The following CLASP2 variants were observed in gnomAD, a reference collection of about 807,000 sequenced individuals.
CLASP2 encodes cytoplasmic linker associated protein 2.
Under a neutral mutation model 194.4 loss-of-function variants are expected in CLASP2, and 47 were observed. That is an observed-to-expected ratio of 0.24 (90% CI 0.19 to 0.31). The LOEUF (loss-of-function observed/expected upper bound fraction) is 0.31, where lower values mean the gene tolerates loss of function less well. Ranked by LOEUF, CLASP2 falls within the 10% of genes least tolerant of loss-of-function variation. The probability of loss-of-function intolerance (pLI) is 1.00; values close to 1 mark genes in which losing one functional copy is unlikely to be tolerated. For missense variants in CLASP2, 1,445 were observed against 1,823.6 expected, an observed-to-expected ratio of 0.79 and a Z score of 3.78; for synonymous variants, 619 against 633.5, an observed-to-expected ratio of 0.98 and a Z score of 0.34.
chr3:33,537,880 A>G (rs1403858374), intron 33 of CLASP2, among the ~76,000 whole-genome samples: 2 of 152,226 alleles, frequency 1.3e-5, no homozygotes, highest in South Asian at 2.1e-4. Context: ...AGTGGCTCAC[A>G]CCTGTAATCC....
chr3:33,685,027 AAAT>A lies in CLASP2; in HGVS notation c.547-574_547-572del, dbSNP rs576059400. 1.1e-3 allele frequency among the ~76,000 whole-genome samples: 156 copies of A among 138,304 alleles called. 1 individual carries two copies. Among genetic ancestry groups the A allele is most frequent in the East Asian group, 1.0e-2 (45 of 4,502 alleles). The allele number at this position is 138,304 out of a possible 152,430, so 90.7% of individuals were successfully genotyped here. ...AAAATAAATAAATAAATAAATAAAT[AAAT>A]AATAATAATAATAATAAATCTATTT... On this transcript the variant is annotated intron_variant, in intron 5 of 38. Coordinates refer to ENST00000682230, the MANE Select transcript of CLASP2 (RefSeq NM_001365631.1).
rs145807494 is a variant in CLASP2 at position 33,716,496 on chromosome 3, T to C, written c.195+1312A>G. Among the ~76,000 whole-genome samples the C allele has an allele frequency of 9.6e-4, 146 of 152,282 alleles. 1 individual carries two copies. In the East Asian group the frequency reaches 0.024, roughly 26 times the overall value. ...GCCCGTGTAGAAGATGGCACACCAA[T>C]CTTAACTTCGGAAGGGGTGCAAACA... is the stretch of plus-strand genomic sequence containing the variant. On this transcript the variant is annotated intron_variant, in intron 1 of 38. Transcript: ENST00000682230.
chr3:33,642,900 A>G (rs758559675), intron 8 of CLASP2, among the ~76,000 whole-genome samples: 4 of 150,988 alleles, frequency 2.6e-5, no homozygotes, highest in Non-Finnish European at 5.9e-5. Flanking sequence ...GAAGAAGAAA[A>G]AGGAGGAGGA....
intron 6 of CLASP2, among the ~76,000 whole-genome samples, chr3:33,678,397 T>C (rs1293426284): frequency 1.3e-5 from 2 of 152,028 alleles, no homozygotes; most frequent in East Asian, 1.9e-4. Context: ...ACACTGCCTA[T>C]AGAGGAGCAA....
chr3:33,682,288 T>C (rs1166049206), intron 6 of CLASP2, among the ~76,000 whole-genome samples: 2 of 152,196 alleles, frequency 1.3e-5, no homozygotes, highest in Non-Finnish European at 2.9e-5. Context: ...GATGGTATTG[T>C]GACTGACAAA....
rs756385476 is a variant in CLASP2, at chr3:33,602,959, C to T, written c.1917G>A (p.Ala639=). The change falls in exon 18 of 39, where the codon GCG becomes GCA. Residue 639 remains alanine (A), a synonymous_variant. Coordinates refer to ENST00000682230, the MANE Select transcript of CLASP2 (RefSeq NM_001365631.1). ...GAGALNAGSY[A]SLEDTSDKLD... is the part of the protein sequence containing the mutation. ...CATAATCAGTTCTCTTACCTAGTGACGCATAGGAACCTGCATTCAGGGCAC... is the reference window on the plus strand; with the variant it reads ...CATAATCAGTTCTCTTACCTAGTGATGCATAGGAACCTGCATTCAGGGCAC... The T allele has an allele frequency of 9.9e-6, 16 of 1,609,334 alleles. No homozygotes were observed. Among genetic ancestry groups the T allele is most frequent in the South Asian group, 5.6e-5 (5 of 89,948 alleles).
rs191064495 is a variant in CLASP2 at position 33,699,970 on chromosome 3, A to C, written c.196-3037T>G. Among the ~76,000 whole-genome samples, 603 of 152,242 alleles carry C rather than the reference A, an allele frequency of 4.0e-3. 6 individuals are homozygous for C. The highest frequency in any genetic ancestry group is 2.8e-3 in the Non-Finnish European group (193 of 68,012). ...ACATTTTAAAACTAAAGGAGAAATA[A>C]AAAGTTTTTCAAACAAACAAAATCT... On this transcript the variant is annotated intron_variant, in intron 1 of 38. Coordinates refer to ENST00000682230, the MANE Select transcript of CLASP2 (RefSeq NM_001365631.1).
chr3:33,574,589 G>A (rs1221839700), intron 24 of CLASP2: 3 of 667,326 alleles, frequency 4.5e-6, no homozygotes, highest in African/African-American at 1.9e-5. Flanking sequence ...CAATGCCTAT[G>A]ATCAGAAACA....
In CLASP2 at chr3:33,619,743, A is replaced by G; in HGVS notation, c.1182-5T>C. 3.8e-6 allele frequency: 6 copies of G among 1,572,136 alleles called. No homozygotes were observed. The highest frequency in any genetic ancestry group is 5.2e-6 in the Non-Finnish European group (6 of 1,161,048). Reference sequence around the variant, plus strand: ...CCCAAAACTGTTGAAAGGTGGCTACAAAGGAAGACAAAAAGTATTTTTTAA... The same window carrying G: ...CCCAAAACTGTTGAAAGGTGGCTACGAAGGAAGACAAAAAGTATTTTTTAA... On this transcript the variant is annotated splice_polypyrimidine_tract_variant and splice_region_variant and intron_variant, in intron 11 of 38. Transcript: ENST00000682230.
chr3:33,623,580 T>C (rs2077477547), intron 10 of CLASP2, among the ~76,000 whole-genome samples: 1 of 152,128 alleles, frequency 6.6e-6, no homozygotes, highest in Non-Finnish European at 1.5e-5. Flanking sequence ...TCCAGTTCCA[T>C]CCATGTTGTT....
At chr3:33,674,459 T>TTTATAGCA (rs528597911) in intron 6 of CLASP2, among the ~76,000 whole-genome samples, 1 of 144,386 alleles carries the variant, frequency 6.9e-6, no homozygotes, top group African/African-American at 2.8e-5. Context: ...TAGAGGGAAA[T>TTTATAGCA]ATAAATGCCC....
At chr3:33,604,787 GCTC>G (rs1393103136) in intron 16 of CLASP2, among the ~76,000 whole-genome samples, 1 of 152,102 alleles carries the variant, frequency 6.6e-6, no homozygotes, top group Non-Finnish European at 1.5e-5. Flanking sequence ...TGTTCACTCT[GCTC>G]CTCAACACAC....
chr3:33,679,127 TA>T, intron 6 of CLASP2, among the ~76,000 whole-genome samples: 1 of 152,190 alleles, frequency 6.6e-6, no homozygotes, highest in South Asian at 2.1e-4. Flanking sequence ...ACAAAGTCAA[TA>T]TAAAGAATAA....
chr3:33,517,700 C>T (rs775021460), intron 34 of CLASP2, among the ~76,000 whole-genome samples: 16 of 152,048 alleles, frequency 1.1e-4, no homozygotes, highest in Non-Finnish European at 1.9e-4. Flanking sequence ...TTCACTTTGT[C>T]GCCAAGGCTG....
chr3:33,604,296 A>C (rs1471651272), intron 16 of CLASP2, 87 bp from the exon 17 acceptor site: 2 of 886,796 alleles, frequency 2.3e-6, no homozygotes, highest in Non-Finnish European at 1.8e-6. Flanking sequence ...AATTTTGTGG[A>C]AAGTTGAGAA....
intron 26 of CLASP2, 182 bp downstream of exon 26, chr3:33,570,545 G>C (rs2063538528): frequency 1.4e-6 from 1 of 701,966 alleles, no homozygotes; most frequent in Non-Finnish European, 2.4e-6. Context: ...CATTGGAGAA[G>C]CTCAAATAGT....
At chr3:33,624,962 A>C (rs2077741575) in intron 10 of CLASP2, among the ~76,000 whole-genome samples, 1 of 152,114 alleles carries the variant, frequency 6.6e-6, no homozygotes, top group Non-Finnish European at 1.5e-5. Flanking sequence ...CTGTAAGATT[A>C]TACATGACTA....
chr3:33,624,217 G>A (rs957251791), intron 10 of CLASP2, among the ~76,000 whole-genome samples: 9 of 151,928 alleles, frequency 5.9e-5, no homozygotes, highest in East Asian at 1.9e-4. Flanking sequence ...CATTTAACTC[G>A]AGGTTTTCTA....
rs190515422 is a variant in CLASP2, at chr3:33,548,708, T to G, written c.3153+2544A>C. Among the ~76,000 whole-genome samples, 589 of 152,094 alleles carry G rather than the reference T, an allele frequency of 3.9e-3. 5 individuals carry two copies. The Middle Eastern group carries it at 0.048, about 12-fold the overall frequency. On this transcript the variant is annotated intron_variant, in intron 30 of 38. Transcript: ENST00000682230. ...TACAATTATCTCTTCATTATCAGCT[T>G]GAGACATTTTCTAGTGATTTCCTGC...
Sources: gnomAD v4.1 joint callset for allele counts (sites outside exome capture counted in the v4.1 genomes callset) on GRCh38, gnomAD v4.1.1 for gene constraint, MANE v1.5 for transcripts, NCBI Gene and HGNC (gene_info 2026-07-23, HGNC 2026-07-21) for gene names.